SRSF3: variants seen among roughly 807,000 people sequenced by gnomAD.
The protein encoded by SRSF3 is serine/arginine-rich splicing factor 3.
For missense variants in SRSF3, 58 were observed against 217.1 expected (o/e 0.27, Z 4.61); for synonymous variants, 87 against 73.6 (o/e 1.18, Z -0.93).
At chr6:36,601,836 A>G (rs1778720929) in intron 5 of SRSF3, 42 bp downstream of exon 5, 1 of 1,598,318 alleles carries the variant, frequency 6.3e-7, no homozygotes, top group Non-Finnish European at 8.6e-7. Context: ...TTGCATACAT[A>G]GTATGCTAAG....
At position 36,602,255 on chromosome 6, in the gene SRSF3, G is replaced by A; in HGVS notation, c.*266G>A. 1.9e-6 allele frequency: 1 copy of A among 530,242 alleles called. No homozygotes were observed. The highest frequency in any genetic ancestry group is 3.1e-6 in the Non-Finnish European group (1 of 326,228). The allele number at this position is 530,242 out of a possible 1,614,324, so 32.8% of individuals were successfully genotyped here. On this transcript the variant is annotated 3_prime_UTR_variant, in exon 6 of 6. Transcript: ENST00000373715. Reference sequence around the variant, plus strand: ...AAATTGAATTTGCTTTGAACTTTTAGTTATGCACAGACTGATAATAAACCT... The same window carrying A: ...AAATTGAATTTGCTTTGAACTTTTAATTATGCACAGACTGATAATAAACCT...
intron 1 of SRSF3, among the ~76,000 whole-genome samples, chr6:36,594,990 C>T (rs1253819172): frequency 6.6e-6 from 1 of 152,164 alleles, no homozygotes; most frequent in Admixed American, 6.5e-5. Flanking sequence ...GTTCTTTCAT[C>T]GCTTCCCATT....
chr6:36,605,469 G>GA lies in SRSF3; in HGVS notation c.*3483dup, dbSNP rs1034570571. The GA allele has an allele frequency of 3.4e-5, 5 of 148,830 alleles. No homozygotes were observed. The highest frequency in any genetic ancestry group is 1.2e-4 in the African/African-American group (5 of 40,020). The allele number at this position is 148,830 out of a possible 1,614,324, so 9.2% of individuals were successfully genotyped here. A position where few individuals can be genotyped will look rare whatever the true frequency, so the allele number is the denominator to read the frequency against. On this transcript the variant is annotated 3_prime_UTR_variant, in exon 6 of 6. Transcript: ENST00000373715. ...GTAGCCACTTCACTCCAGCCTGAGT[G>GA]AAAGCAAAACTTCGTCTCCAAAAAA...
chr6:36,603,820 G>A lies in SRSF3; in HGVS notation c.*1831G>A, dbSNP rs777005026. The A allele has an allele frequency of 2.1e-4, 49 of 231,570 alleles. No individual in the cohort carries two copies. Among genetic ancestry groups the A allele is most frequent in the Non-Finnish European group, 3.8e-4 (44 of 117,148 alleles). The allele number at this position is 231,570 out of a possible 1,614,324, so 14.3% of individuals were successfully genotyped here. A position where few individuals can be genotyped will look rare whatever the true frequency, so the allele number is the denominator to read the frequency against. Reference sequence around the variant, plus strand: ...TCAATTACATTGCTTTTTATAAATGGACAACTTATGTGGGCATTTTTGGGC... The same window carrying A: ...TCAATTACATTGCTTTTTATAAATGAACAACTTATGTGGGCATTTTTGGGC... On this transcript the variant is annotated 3_prime_UTR_variant, in exon 6 of 6. Coordinates refer to ENST00000373715, the MANE Select transcript of SRSF3 (RefSeq NM_003017.5).
At chr6:36,596,658 C>T in intron 1 of SRSF3, 103 bp from the exon 2 acceptor site, 1 of 1,041,316 alleles carries the variant, frequency 9.6e-7, no homozygotes. Flanking sequence ...TTACGTGCTA[C>T]CTTAAACTCT....
At chr6:36,597,424 G>A (rs1778649198) in intron 2 of SRSF3, among the ~76,000 whole-genome samples, 1 of 152,258 alleles carries the variant, frequency 6.6e-6, no homozygotes, top group East Asian at 1.9e-4. Context: ...ATATTTTTAA[G>A]AGTAGTTGTG....
rs534605667 is a variant in SRSF3, at chr6:36,596,195, T to A, written c.-2-566T>A. 1.4e-3 allele frequency among the ~76,000 whole-genome samples: 210 copies of A among 152,286 alleles called. 1 individual carries two copies. Among genetic ancestry groups the A allele is most frequent in the South Asian group, 0.012 (57 of 4,830 alleles). On this transcript the variant is annotated intron_variant, in intron 1 of 5. Coordinates refer to ENST00000373715, the MANE Select transcript of SRSF3 (RefSeq NM_003017.5). ...CCTCGGCTTCCCAAAAGTTCTGGGA[T>A]TGCAGGTGTGAGCCGCCGCGCCCGG...
chr6:36,597,923 G>A lies in SRSF3; in HGVS notation c.207-926G>A, dbSNP rs533879349. 8.6e-5 allele frequency among the ~76,000 whole-genome samples: 13 copies of A among 151,736 alleles called. No homozygotes were observed. In the South Asian group the frequency reaches 1.9e-3, roughly 22 times the overall value. ...TTGCCCAGGCTGGCCTCAAGCTCCT[G>A]GGCTCAAGCCATCCTCCTGCCTCAG... On this transcript the variant is annotated intron_variant, in intron 2 of 5. Coordinates refer to ENST00000373715, the MANE Select transcript of SRSF3 (RefSeq NM_003017.5).
chr6:36,596,113 C>G (rs548674783), intron 1 of SRSF3, among the ~76,000 whole-genome samples: 26 of 152,144 alleles, frequency 1.7e-4, no homozygotes, highest in African/African-American at 6.3e-4. Context: ...TTAGTTGTGA[C>G]GGGGTTTCAC....
chr6:36,601,874 A>G, intron 5 of SRSF3, 80 bp downstream of exon 5: 1 of 1,590,722 alleles, frequency 6.3e-7, no homozygotes. Context: ...TAAATTTTTT[A>G]CCTTAAAGTT....
Position 36,598,925 on chromosome 6 carries a change from T to G in SRSF3, c.283T>G (p.Ser95Ala), listed in dbSNP as rs1220205001. The change falls in exon 3 of 6, where the codon TCT (serine) becomes GCT (alanine). Residue 95 changes from serine (S) to alanine (A), a missense_variant. By Grantham distance (99) the Ser-to-Ala change is moderately conservative. Transcript: ENST00000373715. ...KRSRNRGPPPSWGRRPRDDYR... is the reference protein window; with the variant it reads ...KRSRNRGPPPAWGRRPRDDYR... ...AAGTAGAAATCGTGGCCCACCTCCC[T>G]CTTGGGGTCGTCGCCCTCGAGATGA... 1 of 1,614,152 alleles carries G rather than the reference T, an allele frequency of 6.2e-7. No individual in the cohort carries two copies. The highest frequency in any genetic ancestry group is 1.1e-5 in the South Asian group (1 of 91,080).
intron 3 of SRSF3, chr6:36,600,857 T>C: frequency 3.8e-6 from 1 of 264,558 alleles, no homozygotes; most frequent in Non-Finnish European, 7.0e-6. Context: ...GGTAGTGAAG[T>C]TAGTTTGACA....
intron 3 of SRSF3, 58 bp from the exon 4 acceptor site, chr6:36,601,094 G>A: frequency 7.0e-7 from 1 of 1,425,516 alleles, no homozygotes; most frequent in South Asian, 1.2e-5. Flanking sequence ...GTTGGGAAAT[G>A]CCTCACGCCA....
In SRSF3 at chr6:36,603,671, C is replaced by T. The variant is rs1406298161; in HGVS notation, c.*1682C>T. 1 of 230,446 alleles carries T rather than the reference C, an allele frequency of 4.3e-6. No individual in the cohort carries two copies. Among genetic ancestry groups the T allele is most frequent in the Non-Finnish European group, 8.6e-6 (1 of 116,492 alleles). 14.3% of individuals were successfully genotyped at this position (230,446 alleles called of 1,614,324 possible). A position where few individuals can be genotyped will look rare whatever the true frequency, so the allele number is the denominator to read the frequency against. ...TCAAGAAAGACACTTTTCAGACAGC[C>T]TGTTTATTTACTGAGAGCTCTGGCA... On this transcript the variant is annotated 3_prime_UTR_variant, in exon 6 of 6. Transcript: ENST00000373715.
chr6:36,599,733 A>C (rs1778687546), intron 3 of SRSF3: 1 of 1,004,334 alleles, frequency 1.0e-6, no homozygotes, highest in Admixed American at 2.1e-5. Flanking sequence ...AGTATTTGTT[A>C]GCTAATAGAT....
Position 36,601,142 on chromosome 6 carries a change from C to T in SRSF3, c.342-10C>T, listed in dbSNP as rs1778709731. 1 of 1,607,480 alleles carries T rather than the reference C, an allele frequency of 6.2e-7. No individual in the cohort carries two copies. Among genetic ancestry groups the T allele is most frequent in the Non-Finnish European group, 8.5e-7 (1 of 1,177,676 alleles). On this transcript the variant is annotated splice_polypyrimidine_tract_variant and intron_variant, in intron 3 of 5. Coordinates refer to ENST00000373715, the MANE Select transcript of SRSF3 (RefSeq NM_003017.5). ...GATGATGAGCCTAATTTTCCTGTTT[C>T]TGCTTTTAGATCTCCAAGAAGGAGA...
In SRSF3 at chr6:36,596,214, C is replaced by T. The variant is rs143990994; in HGVS notation, c.-2-547C>T. On this transcript the variant is annotated intron_variant, in intron 1 of 5. Coordinates refer to ENST00000373715, the MANE Select transcript of SRSF3 (RefSeq NM_003017.5). ...CTGGGATTGCAGGTGTGAGCCGCCG[C>T]GCCCGGTCCATGGGCATTTTTTTAA... 7.8e-4 allele frequency among the ~76,000 whole-genome samples: 118 copies of T among 152,240 alleles called. 2 individuals are homozygous for T. The East Asian group carries it at 0.011, about 15-fold the overall frequency.
At chr6:36,600,474 G>C (rs1292682663) in intron 3 of SRSF3, 1 of 199,412 alleles carries the variant, frequency 5.0e-6, no homozygotes, top group Non-Finnish European at 9.0e-6. Flanking sequence ...ATTTGCATGT[G>C]CAAGATGCCA....
chr6:36,600,992 CTTTTT>C, intron 3 of SRSF3, 155 bp from the exon 4 acceptor site: 2 of 338,966 alleles, frequency 5.9e-6, no homozygotes, highest in Admixed American at 1.4e-4. Flanking sequence ...TTTTTCTTTT[CTTTTT>C]TTTCTTTTTT....
Sources: allele counts gnomAD v4.1 joint callset (sites outside exome capture counted in the v4.1 genomes callset), GRCh38; gene constraint gnomAD v4.1.1; transcripts MANE v1.5; gene names NCBI Gene and HGNC (gene_info 2026-07-23, HGNC 2026-07-21).